Variants in SLC39A1 observed in about 807,000 individuals in gnomAD.
SLC39A1 encodes the protein solute carrier family 39 member 1, also known as zinc transporter ZIP1.
Under a neutral mutation model 21.4 loss-of-function variants are expected in SLC39A1, and 17 were observed. The ratio of observed to expected loss-of-function variants is 0.79; its 90% CI spans 0.54 to 1.19. The LOEUF is 1.19. SLC39A1 is among the 50% of genes most tolerant of loss of function. The pLI is 0.00. For missense variants in SLC39A1, 343 were observed against 399.8 expected, an observed-to-expected ratio of 0.86 and a Z score of 1.21; for synonymous variants, 183 against 185.9, an observed-to-expected ratio of 0.98 and a Z score of 0.13.
rs1275592119 is a variant in SLC39A1, at chr1:153,959,373, C to T, written c.*725G>A. 1 of 398,154 alleles carries T rather than the reference C, an allele frequency of 2.5e-6. No individual in the cohort carries two copies. The highest frequency in any genetic ancestry group is 4.4e-6 in the Non-Finnish European group (1 of 225,930). The allele number at this position is 398,154 out of a possible 1,614,324, so 24.7% of individuals were successfully genotyped here. A position where few individuals can be genotyped will look rare whatever the true frequency, so the allele number is the denominator to read the frequency against. On this transcript the variant is annotated 3_prime_UTR_variant, in exon 4 of 4. Transcript: ENST00000356205. ...AGCAGTAGATGGCTGCAACAACCTT[C>T]CTCCTACCCCAGCCCAGAAAATATT...
chr1:153,962,609 A>G lies in SLC39A1; in HGVS notation c.107T>C (p.Leu36Pro). ...GLEVKLGALVLLLVLTLLCSL... is the reference protein window; with the variant it reads ...GLEVKLGALVPLLVLTLLCSL... ...GCAGAGGAGGGTGAGCACCAGCAGC[A>G]GCACCAGGGCCCCCAACTTCACCTC... The change falls in exon 2 of 4, where the codon CTG becomes CCG. Residue 36 changes from leucine (L) to proline (P), a missense_variant. By Grantham distance (98) the Leu-to-Pro change is moderately conservative. Transcript: ENST00000356205. 1.2e-6 allele frequency: 2 copies of G among 1,613,682 alleles called. No individual in the cohort carries two copies. Among genetic ancestry groups the G allele is most frequent in the East Asian group, 2.2e-5 (1 of 44,898 alleles).
Position 153,962,645 on chromosome 1 carries a change from G to A in SLC39A1, c.71C>T (p.Pro24Leu). The A allele has an allele frequency of 6.2e-7, 1 of 1,612,998 alleles. No homozygotes were observed. The highest frequency in any genetic ancestry group is 8.5e-7 in the Non-Finnish European group (1 of 1,179,618). The change falls in exon 2 of 4, where the codon CCT becomes CTT. Residue 24 changes from proline (P) to leucine (L), a missense_variant. Transcript: ENST00000356205. ...CCCCAACTTCACCTCCAGCCCCACA[G>A]GCACTGGAGGCTCTGAAGCTACCGC... The part of the protein sequence containing the change: ...PEAVASEPPV[P>L]VGLEVKLGAL...
chr1:153,960,046 G>C lies in SLC39A1; in HGVS notation c.*52C>G. On this transcript the variant is annotated 3_prime_UTR_variant, in exon 4 of 4. Transcript: ENST00000356205. ...TTCCCCACAACTGGGGGAGGGAAGG[G>C]AGAACAGGGGCACCTGATCATCAAT... 6.6e-7 allele frequency: 1 copy of C among 1,526,200 alleles called. No homozygotes were observed. The highest frequency in any genetic ancestry group is 2.0e-5 in the Admixed American group (1 of 49,778). The allele number at this position is 1,526,200 out of a possible 1,614,324, so 94.5% of individuals were successfully genotyped here. A position where few individuals can be genotyped will look rare whatever the true frequency, so the allele number is the denominator to read the frequency against.
Position 153,960,080 on chromosome 1 carries a change from C to T in SLC39A1, c.*18G>A, listed in dbSNP as rs1428017040. On this transcript the variant is annotated 3_prime_UTR_variant, in exon 4 of 4. Coordinates refer to ENST00000356205, the MANE Select transcript of SLC39A1 (RefSeq NM_001271958.2). ...GGCACCTGATCATCAATCTCCCCTG[C>T]CCCTCTCTTGAAGCCCCCTAGATTT... The T allele has an allele frequency of 1.3e-6, 2 of 1,580,468 alleles. No individual in the cohort carries two copies. Among genetic ancestry groups the T allele is most frequent in the East Asian group, 2.2e-5 (1 of 44,544 alleles).
At chr1:153,963,711 G>C (rs551593892), upstream of SLC39A1, 3 of 154,228 alleles carry the variant, frequency 1.9e-5, no homozygotes, top group African/African-American at 7.2e-5. Context: ...GACCTGAGGA[G>C]AGTGAGCGAG....
chr1:153,967,696 A>G (rs1166151514), upstream of SLC39A1: 1 of 152,242 alleles, frequency 6.6e-6, no homozygotes, highest in Non-Finnish European at 1.5e-5. Flanking sequence ...CTGCGGCCCC[A>G]TTGGCCTGAC....
At chr1:153,961,766 C>G (rs553091216) in intron 3 of SLC39A1, among the ~76,000 whole-genome samples, 107 of 152,310 alleles carry the variant, frequency 7.0e-4, no homozygotes, top group African/African-American at 2.3e-3. Flanking sequence ...AAACCAAGTC[C>G]TATGCCGTGG....
chr1:153,961,143 GT>G (rs1424975207), intron 3 of SLC39A1, among the ~76,000 whole-genome samples: 1 of 152,156 alleles, frequency 6.6e-6, no homozygotes, highest in Non-Finnish European at 1.5e-5. Context: ...GGGTGTGGTG[GT>G]GGATGCCTGT....
chr1:153,962,555 C>T lies in SLC39A1; in HGVS notation c.161G>A (p.Arg54Gln), dbSNP rs1376862978. The change falls in exon 2 of 4, where the codon CGG (arginine) becomes CAG (glutamine). Residue 54 changes from arginine to glutamine, a missense_variant. Physicochemically the swap from Arg to Gln is conservative, Grantham distance 43. Transcript: ENST00000356205. Reference protein sequence around the residue: ...CSLVPICVLRRPGANHEGSAS... With the variant: ...CSLVPICVLRQPGANHEGSAS... ...TGAGCCTTCATGGTTAGCTCCTGGCCGGCGCAGCACACAGATGGGCACCAG... is the reference window on the plus strand; with the variant it reads ...TGAGCCTTCATGGTTAGCTCCTGGCTGGCGCAGCACACAGATGGGCACCAG... 5.0e-6 allele frequency: 8 copies of T among 1,613,198 alleles called. No individual in the cohort carries two copies. Among genetic ancestry groups the T allele is most frequent in the South Asian group, 1.1e-5 (1 of 90,942 alleles).
At chr1:153,964,208 A>T (rs536732133), upstream of SLC39A1, among the ~76,000 whole-genome samples, 6 of 152,368 alleles carry the variant, frequency 3.9e-5, no homozygotes, top group Admixed American at 2.0e-4. Context: ...AAGAGCCCCC[A>T]GCGCATTCCA....
rs61755879 is a variant in SLC39A1 at position 153,960,311 on chromosome 1, G to A, written c.762C>T (p.Ile254=). ...ILFSCMTPLG[I]GLGAALAESA... ...ACTCTGCCAGAGCTGCACCCAGCCCGATGCCTAGAGGTGTCATGCATGAGA... is the reference window on the plus strand; with the variant it reads ...ACTCTGCCAGAGCTGCACCCAGCCCAATGCCTAGAGGTGTCATGCATGAGA... The change falls in exon 4 of 4, where the codon ATC becomes ATT. Residue 254 remains isoleucine (I), a synonymous_variant. Coordinates refer to ENST00000356205, the MANE Select transcript of SLC39A1 (RefSeq NM_001271958.2). The A allele has an allele frequency of 5.1e-5, 82 of 1,614,042 alleles. No individual in the cohort carries two copies. In the African/African-American group the frequency reaches 8.8e-4, roughly 17 times the overall value.
rs777071481 is a variant in SLC39A1, at chr1:153,962,618, G to A, written c.98C>T (p.Ala33Val). The A allele has an allele frequency of 8.1e-6, 13 of 1,613,410 alleles. No individual in the cohort carries two copies. Among genetic ancestry groups the A allele is most frequent in the Non-Finnish European group, 1.1e-5 (13 of 1,179,834 alleles). ...VPVGLEVKLGALVLLLVLTLL... is the reference protein window; with the variant it reads ...VPVGLEVKLGVLVLLLVLTLL... ...GGTGAGCACCAGCAGCAGCACCAGG[G>A]CCCCCAACTTCACCTCCAGCCCCAC... The change falls in exon 2 of 4, where the codon GCC (alanine) becomes GTC (valine). Residue 33 changes from alanine to valine, a missense_variant. Coordinates refer to ENST00000356205, the MANE Select transcript of SLC39A1 (RefSeq NM_001271958.2).
In SLC39A1 at chr1:153,960,756, T is replaced by G; in HGVS notation, c.319-2A>C. The G allele has an allele frequency of 1.2e-6, 2 of 1,602,148 alleles. No homozygotes were observed. The highest frequency in any genetic ancestry group is 1.7e-6 in the Non-Finnish European group (2 of 1,176,076). On this transcript the variant is annotated splice_acceptor_variant, in intron 3 of 3. Coordinates refer to ENST00000356205, the MANE Select transcript of SLC39A1 (RefSeq NM_001271958.2). LOFTEE classifies it high-confidence loss of function. ...GAACTCTTGCAGTGGGAACTGGAGC[T>G]GTGGGCAGAAGCAGCAGCAAAATGT...
rs1031263882 is a variant in SLC39A1, at chr1:153,959,609, T to C, written c.*489A>G. On this transcript the variant is annotated 3_prime_UTR_variant, in exon 4 of 4. Transcript: ENST00000356205. ...GAGAGACCATTTGGCGCCAGTCCCCTAGGAGATGGGAGGAGGGAGATAGGT... is the reference window on the plus strand; with the variant it reads ...GAGAGACCATTTGGCGCCAGTCCCCCAGGAGATGGGAGGAGGGAGATAGGT... 7.3e-6 allele frequency: 2 copies of C among 273,378 alleles called. No homozygotes were observed. Among genetic ancestry groups the C allele is most frequent in the African/African-American group, 4.4e-5 (2 of 45,848 alleles). 16.9% of individuals were successfully genotyped at this position (273,378 alleles called of 1,614,324 possible).
At chr1:153,963,943 T>A (rs1305872456), upstream of SLC39A1, among the ~76,000 whole-genome samples, 1 of 152,266 alleles carries the variant, frequency 6.6e-6, no homozygotes, top group African/African-American at 2.4e-5. Context: ...CTCTGACACC[T>A]CGTCAGTGCC....
chr1:153,964,535 C>T (rs1186225162), upstream of SLC39A1: 1 of 151,836 alleles, frequency 6.6e-6, no homozygotes, highest in Non-Finnish European at 1.5e-5. Context: ...GATCTTGCTT[C>T]CTACAGGAAA....
upstream of SLC39A1, among the ~76,000 whole-genome samples, chr1:153,963,877 A>G (rs1452196745): frequency 6.6e-6 from 1 of 152,260 alleles, no homozygotes; most frequent in Non-Finnish European, 1.5e-5. Flanking sequence ...CTTCCGGCCC[A>G]CATCTGAAAA....
chr1:153,966,916 A>G (rs1268944241), upstream of SLC39A1: 1 of 152,234 alleles, frequency 6.6e-6, no homozygotes, highest in Non-Finnish European at 1.5e-5. Flanking sequence ...AAAAAAATAA[A>G]AATAATCAAT....
chr1:153,959,398 TTC>T lies in SLC39A1; in HGVS notation c.*698_*699del. On this transcript the variant is annotated 3_prime_UTR_variant, in exon 4 of 4. Transcript: ENST00000356205. Reference sequence around the variant, plus strand: ...CCTCCTACCCCAGCCCAGAAAATATTTCTGCCCCACCCCAGGATCCGGGACCA... The same window carrying T: ...CCTCCTACCCCAGCCCAGAAAATATTTGCCCCACCCCAGGATCCGGGACCA... The T allele has an allele frequency of 2.5e-6, 1 of 397,730 alleles. No individual in the cohort carries two copies. The allele number at this position is 397,730 out of a possible 1,614,324, so 24.6% of individuals were successfully genotyped here.
Sources: allele counts gnomAD v4.1 joint callset (sites outside exome capture counted in the v4.1 genomes callset), GRCh38; gene constraint gnomAD v4.1.1; transcripts MANE v1.5; gene names NCBI Gene and HGNC (gene_info 2026-07-23, HGNC 2026-07-21).